Variants in U2SURP observed in about 807,000 individuals in gnomAD.
The protein encoded by U2SURP is U2 snRNP associated SURP domain containing, also known as U2 snRNP-associated SURP motif-containing protein.
U2SURP carries 9 observed loss-of-function variants against 144.9 expected under a neutral mutation model. That is an observed-to-expected ratio of 0.06 (90% CI 0.04 to 0.11). The LOEUF (loss-of-function observed/expected upper bound fraction) is 0.11. Ranked by LOEUF, U2SURP falls within the 10% of genes least tolerant of loss-of-function variation. The pLI is 1.00. For missense variants in U2SURP, 724 were observed against 1,226.7 expected, an observed-to-expected ratio of 0.59 and a Z score of 6.12; for synonymous variants, 408 against 396.8, an observed-to-expected ratio of 1.03 and a Z score of -0.33.
Position 143,028,598 on chromosome 3 carries a change from C to T in U2SURP, c.1562C>T (p.Thr521Ile). The T allele has an allele frequency of 6.2e-7, 1 of 1,604,980 alleles. No individual in the cohort carries two copies. Among genetic ancestry groups the T allele is most frequent in the Non-Finnish European group, 8.5e-7 (1 of 1,177,646 alleles). ...CATGGAATGTCAGAAGAGCAAGAAACAGAAGCTTTTGTAGAGGAACCTAGT... is the reference window on the plus strand; with the variant it reads ...CATGGAATGTCAGAAGAGCAAGAAATAGAAGCTTTTGTAGAGGAACCTAGT... Reference protein sequence around the residue: ...YLHGMSEEQETEAFVEEPSKK... With the variant: ...YLHGMSEEQEIEAFVEEPSKK... The change falls in exon 16 of 28, where the codon ACA becomes ATA. Residue 521 changes from threonine (T) to isoleucine (I), a missense_variant. Thr to Ile is a moderately conservative substitution (Grantham distance 89). This residue lies in a region of U2SURP where 66 missense variants were observed against 95.0 expected (regional missense o/e 0.69). Coordinates refer to ENST00000473835, the MANE Select transcript of U2SURP (RefSeq NM_001080415.2).
intron 27 of U2SURP, among the ~76,000 whole-genome samples, chr3:143,055,746 A>C (rs1033093567): frequency 6.6e-6 from 1 of 152,170 alleles, no homozygotes; most frequent in African/African-American, 2.4e-5. Flanking sequence ...GCACCTGTAT[A>C]TATATGTATG....
chr3:143,034,819 G>C (rs1398743822), intron 18 of U2SURP, 69 bp from the exon 19 acceptor site: 1 of 1,008,454 alleles, frequency 9.9e-7, no homozygotes, highest in Non-Finnish European at 1.5e-6. Context: ...GGTTTTCATT[G>C]GCTGGCATGC....
intron 24 of U2SURP, among the ~76,000 whole-genome samples, chr3:143,047,332 T>C (rs866510776): frequency 3.7e-4 from 1 of 2,684 alleles, no homozygotes; most frequent in Non-Finnish European, 5.4e-4. Context: ...TGACCCCCCC[T>C]CCCCCCTCCC....
rs771639436 is a variant in U2SURP at position 143,038,143 on chromosome 3, A to G, written c.2257A>G (p.Ile753Val). The change falls in exon 22 of 28, where the codon ATA (isoleucine) becomes GTA (valine). Residue 753 changes from isoleucine to valine, a missense_variant. Physicochemically the swap from Ile to Val is conservative, Grantham distance 29. Around this residue, in one of 13 missense-constraint regions of U2SURP, gnomAD observed 116 missense variants for 167.9 expected, o/e 0.69. Coordinates refer to ENST00000473835, the MANE Select transcript of U2SURP (RefSeq NM_001080415.2). ...TGAAGACTCAAAAAAGAATGAGCCT[A>G]TATTTAAAGTTGCCCCATCAAAATG... is the stretch of plus-strand genomic sequence containing the variant. Reference protein sequence around the residue: ...ATEDSKKNEPIFKVAPSKWEA... With the variant: ...ATEDSKKNEPVFKVAPSKWEA... 2.0e-5 allele frequency: 32 copies of G among 1,608,078 alleles called. No individual in the cohort carries two copies. The highest frequency in any genetic ancestry group is 1.5e-4 in the Admixed American group (9 of 59,590).
chr3:143,009,465 G>A (rs548323378), intron 1 of U2SURP, among the ~76,000 whole-genome samples: 6 of 152,190 alleles, frequency 3.9e-5, no homozygotes, highest in African/African-American at 1.4e-4. Context: ...AGGCATGGTG[G>A]TGCGTGCCTG....
At chr3:143,053,882 A>G (rs1935014045) in intron 26 of U2SURP, 88 bp downstream of exon 26, 3 of 1,106,544 alleles carry the variant, frequency 2.7e-6, no homozygotes, top group Non-Finnish European at 3.7e-6. Context: ...ATGCCCGCAA[A>G]CTGGAAGTGT....
In U2SURP at chr3:143,035,971, T is replaced by G. The variant is rs779852797; in HGVS notation, c.1942-11T>G. 6.3e-7 allele frequency: 1 copy of G among 1,586,658 alleles called. No homozygotes were observed. Among genetic ancestry groups the G allele is most frequent in the South Asian group, 1.2e-5 (1 of 85,480 alleles). ...AAATAAAAGTTTGTTGTCTGTTTCC[T>G]GTTTCTTTAGCAACGGGTAATGACT... On this transcript the variant is annotated splice_polypyrimidine_tract_variant and intron_variant, in intron 19 of 27. Coordinates refer to ENST00000473835, the MANE Select transcript of U2SURP (RefSeq NM_001080415.2).
At chr3:143,024,115 C>A in intron 13 of U2SURP, 97 bp downstream of exon 13, 1 of 1,131,818 alleles carries the variant, frequency 8.8e-7, no homozygotes. Context: ...AGTATCTTGA[C>A]TGAGCAATGG....
At chr3:143,003,258 C>T (rs1935631101) in intron 1 of U2SURP, among the ~76,000 whole-genome samples, 3 of 152,134 alleles carry the variant, frequency 2.0e-5, no homozygotes, top group African/African-American at 7.2e-5. Context: ...ATGCTATTAG[C>T]AGATTTCTTA....
chr3:143,019,470 G>A (rs1320090020), intron 6 of U2SURP, among the ~76,000 whole-genome samples: 2 of 152,196 alleles, frequency 1.3e-5, no homozygotes, highest in Non-Finnish European at 2.9e-5. Context: ...ATGGTGTAAA[G>A]TAGAAGTCCA....
At chr3:143,017,162 G>T (rs1262543253) in intron 6 of U2SURP, 187 bp downstream of exon 6, 9 of 445,520 alleles carry the variant, frequency 2.0e-5, no homozygotes, top group African/African-American at 1.6e-4. Flanking sequence ...ACACGTAGAT[G>T]ATATTCTTTT....
chr3:143,046,574 C>T (rs1282500861), intron 24 of U2SURP, among the ~76,000 whole-genome samples: 2 of 104,900 alleles, frequency 1.9e-5, no homozygotes, highest in African/African-American at 4.3e-5. Context: ...CATCTTGCAC[C>T]GCCCTTAATC....
chr3:143,020,885 CAAT>C (rs1936596056), intron 8 of U2SURP, among the ~76,000 whole-genome samples, 192 bp downstream of exon 8: 2 of 151,678 alleles, frequency 1.3e-5, no homozygotes, highest in African/African-American at 4.8e-5. Context: ...AGATTAACAA[CAAT>C]AAGTAATAGA....
intron 13 of U2SURP, 134 bp downstream of exon 13, chr3:143,024,152 G>A (rs1932989294): frequency 6.4e-6 from 5 of 776,006 alleles, no homozygotes; most frequent in East Asian, 5.3e-5. Flanking sequence ...TTTGCGGGGG[G>A]ATGTGTGAAA....
Position 143,014,296 on chromosome 3 carries a change from C to CTTTTTA in U2SURP, c.223-11_223-6dup. On this transcript the variant is annotated splice_polypyrimidine_tract_variant and intron_variant, in intron 3 of 27. Coordinates refer to ENST00000473835, the MANE Select transcript of U2SURP (RefSeq NM_001080415.2). ...TTAAGAATCTATATGTAAAAGTATGCTTTTTATTTCTTAGCCTCTTCTGGA... is the reference window on the plus strand; with the variant it reads ...TTAAGAATCTATATGTAAAAGTATGCTTTTTATTTTTATTTCTTAGCCTCTTCTGGA... The CTTTTTA allele has an allele frequency of 6.5e-7, 1 of 1,546,990 alleles. No homozygotes were observed.
At chr3:143,030,443 T>C (rs1203056515) in intron 16 of U2SURP, among the ~76,000 whole-genome samples, 1 of 152,240 alleles carries the variant, frequency 6.6e-6, no homozygotes, top group Non-Finnish European at 1.5e-5. Context: ...TTACTGAATA[T>C]TTTAAGCCCA....
chr3:143,040,746 T>C lies in U2SURP; in HGVS notation c.2384+1786T>C, dbSNP rs571717799. 2.1e-3 allele frequency among the ~76,000 whole-genome samples: 319 copies of C among 151,946 alleles called. 3 individuals carry two copies. Among genetic ancestry groups the C allele is most frequent in the African/African-American group, 7.3e-3 (304 of 41,532 alleles). On this transcript the variant is annotated intron_variant, in intron 23 of 27. Coordinates refer to ENST00000473835, the MANE Select transcript of U2SURP (RefSeq NM_001080415.2). ...CCAGTTTAGAAAAACTGCTTAAGCC[T>C]TGAAAAAATTATAATAGCAATTTAA...
intron 1 of U2SURP, among the ~76,000 whole-genome samples, chr3:143,007,748 C>T (rs1935920564): frequency 6.6e-6 from 1 of 152,030 alleles, no homozygotes; most frequent in Admixed American, 6.6e-5. Context: ...CGGCCGACTT[C>T]AGGAGATCTT....
At chr3:143,043,328 C>T in intron 24 of U2SURP, 52 bp downstream of exon 24, 1 of 1,525,834 alleles carries the variant, frequency 6.6e-7, no homozygotes, top group Non-Finnish European at 8.8e-7. Flanking sequence ...TTCACTTTCT[C>T]CACCAAACTA....
Sources: gnomAD v4.1 joint callset for allele counts (sites outside exome capture counted in the v4.1 genomes callset) on GRCh38, gnomAD v4.1.1 for gene constraint, gnomAD v4.1.1 regional missense constraint, MANE v1.5 for transcripts, NCBI Gene and HGNC (gene_info 2026-07-23, HGNC 2026-07-21) for gene names.